Variants in LRRC69 observed in about 807,000 individuals in gnomAD.
The protein encoded by LRRC69 is leucine-rich repeat-containing protein 69.
LRRC69 carries 42 observed loss-of-function variants against 37.8 expected under a neutral mutation model. The observed-to-expected ratio is 1.11, with a 90% confidence interval of 0.87 to 1.44. The LOEUF is 1.44. Ranked by LOEUF, LRRC69 falls within the 40% of genes most tolerant of loss-of-function variation. The pLI, the probability that LRRC69 is intolerant of heterozygous loss-of-function variation, is 0.00. For missense variants in LRRC69, 357 were observed against 401.9 expected (o/e 0.89, Z 0.96); for synonymous variants, 141 against 143.1 (o/e 0.99, Z 0.11).
intron 3 of LRRC69, among the ~76,000 whole-genome samples, chr8:91,127,673 C>G (rs960545220): frequency 6.9e-6 from 1 of 145,666 alleles, no homozygotes; most frequent in Non-Finnish European, 1.5e-5. Flanking sequence ...GGCAGAATGC[C>G]TTTCTGGAGC....
intron 7 of LRRC69, among the ~76,000 whole-genome samples, chr8:91,203,696 G>T (rs1010144080): frequency 5.9e-5 from 9 of 151,800 alleles, no homozygotes; most frequent in Non-Finnish European, 1.2e-4. Context: ...ACTGCGCCCA[G>T]CCTCAGTGTA....
At chr8:91,129,412 T>C (rs981173217) in intron 3 of LRRC69, among the ~76,000 whole-genome samples, 23 of 152,082 alleles carry the variant, frequency 1.5e-4, no homozygotes, top group South Asian at 2.1e-4. Context: ...ATGGCAGATA[T>C]TTGTTTCTCT....
At chr8:91,153,116 A>G (rs898767131) in intron 5 of LRRC69, among the ~76,000 whole-genome samples, 2 of 151,398 alleles carry the variant, frequency 1.3e-5, no homozygotes, top group Non-Finnish European at 3.0e-5. Flanking sequence ...ACAAAAATCA[A>G]AAAAGAAAAG....
At chr8:91,179,567 A>G (rs1445124025) in intron 5 of LRRC69, among the ~76,000 whole-genome samples, 2 of 152,206 alleles carry the variant, frequency 1.3e-5, no homozygotes, top group Non-Finnish European at 2.9e-5. Flanking sequence ...AAGATATTTT[A>G]AGCAACTACC....
chr8:91,103,666 C>T (rs1029220794), intron 1 of LRRC69, among the ~76,000 whole-genome samples: 1 of 152,040 alleles, frequency 6.6e-6, no homozygotes, highest in Non-Finnish European at 1.5e-5. Context: ...TTCTTACTTT[C>T]ACCCTACCTC....
intron 6 of LRRC69, among the ~76,000 whole-genome samples, chr8:91,191,935 G>A (rs900317214): frequency 5.3e-5 from 8 of 151,618 alleles, no homozygotes; most frequent in African/African-American, 9.7e-5. Context: ...ATGCTGGTGC[G>A]CTGCACCCAC....
At chr8:91,174,896 T>G (rs369471420) in intron 5 of LRRC69, among the ~76,000 whole-genome samples, 2 of 151,968 alleles carry the variant, frequency 1.3e-5, no homozygotes, top group African/African-American at 2.4e-5. Context: ...TTTTAAAACC[T>G]GAAAAGACTG....
intron 5 of LRRC69, among the ~76,000 whole-genome samples, chr8:91,180,984 G>A (rs746947869): frequency 6.6e-6 from 1 of 152,218 alleles, no homozygotes; most frequent in Non-Finnish European, 1.5e-5. Context: ...AAAATCTCTG[G>A]AATCAGTCAA....
chr8:91,141,941 G>C (rs1808539773), intron 5 of LRRC69, among the ~76,000 whole-genome samples: 1 of 151,910 alleles, frequency 6.6e-6, no homozygotes, highest in African/African-American at 2.4e-5. Flanking sequence ...TGGGATTTCT[G>C]GGAAGAAAGG....
At chr8:91,128,810 A>G (rs1813760772) in intron 3 of LRRC69, among the ~76,000 whole-genome samples, 1 of 151,856 alleles carries the variant, frequency 6.6e-6, no homozygotes, top group East Asian at 1.9e-4. Context: ...CAAAGGAATG[A>G]CTTCTCAGTG....
intron 6 of LRRC69, among the ~76,000 whole-genome samples, chr8:91,197,435 C>A (rs1419249111): frequency 3.3e-5 from 5 of 152,142 alleles, no homozygotes; most frequent in Admixed American, 2.6e-4. Context: ...GGCGCCCCTC[C>A]CCCAGCCTCG....
At chr8:91,172,503 G>C (rs1809150853) in intron 5 of LRRC69, among the ~76,000 whole-genome samples, 1 of 151,332 alleles carries the variant, frequency 6.6e-6, no homozygotes, top group South Asian at 2.1e-4. Context: ...ATTTCCTCTG[G>C]TATAAACTCT....
At chr8:91,166,434 G>A (rs1809027939) in intron 5 of LRRC69, among the ~76,000 whole-genome samples, 1 of 145,188 alleles carries the variant, frequency 6.9e-6, no homozygotes, top group Admixed American at 6.9e-5. Flanking sequence ...AGTCCTCTGG[G>A]GCAATCTAAC....
At chr8:91,217,745 G>A (rs1810080142) in intron 7 of LRRC69, among the ~76,000 whole-genome samples, 1 of 152,174 alleles carries the variant, frequency 6.6e-6, no homozygotes. Context: ...TCCCAGACAG[G>A]AAAAACCAAG....
intron 5 of LRRC69, among the ~76,000 whole-genome samples, chr8:91,173,515 G>T (rs7000062): frequency 0.68 from 102,424 of 151,622 alleles, 35,029 homozygotes; most frequent in African/African-American, 0.74. Context: ...TATTTTTACC[G>T]TCTTAAAACT....
At chr8:91,165,364 G>T (rs549886468) in intron 5 of LRRC69, among the ~76,000 whole-genome samples, 2 of 151,816 alleles carry the variant, frequency 1.3e-5, no homozygotes, top group Admixed American at 6.6e-5. Flanking sequence ...GCTGTGCAGG[G>T]GATGCCATGC....
chr8:91,124,519 C>T, exon 2 of LRRC69: 7 of 1,540,124 alleles, frequency 4.5e-6, no homozygotes, highest in Non-Finnish European at 6.1e-6. Context: ...TGGGAAACAA[C>T]CTTTTAGAAG....
At chr8:91,124,645 T>TTA in intron 2 of LRRC69, 26 bp downstream of exon 2, 2 of 1,492,822 alleles carry the variant, frequency 1.3e-6, no homozygotes, top group Non-Finnish European at 1.8e-6. Context: ...AGGAACAACA[T>TTA]TATAGCATCA....
intron 7 of LRRC69, among the ~76,000 whole-genome samples, chr8:91,217,694 A>C (rs1428788123): frequency 6.6e-6 from 1 of 152,196 alleles, no homozygotes; most frequent in African/African-American, 2.4e-5. Flanking sequence ...AGTTGCCCAA[A>C]GGAAAAACAG....
Sources: gnomAD v4.1 joint callset for allele counts (sites outside exome capture counted in the v4.1 genomes callset) on GRCh38, gnomAD v4.1.1 for gene constraint, MANE v1.5 for transcripts, NCBI Gene and HGNC (gene_info 2026-07-23, HGNC 2026-07-21) for gene names.